CACNA1E: variants seen among roughly 807,000 people sequenced by gnomAD.
CACNA1E encodes the protein voltage-dependent R-type calcium channel subunit alpha-1E.
In CACNA1E, 40 loss-of-function variants were observed where a neutral mutation model predicts 259.2. The observed-to-expected ratio is 0.15, with a 90% confidence interval of 0.12 to 0.20. The LOEUF is 0.20. Ranked by LOEUF, CACNA1E falls within the 10% of genes least tolerant of loss-of-function variation. The pLI is 1.00. For missense variants in CACNA1E, 1,874 were observed against 3,040.1 expected (o/e 0.62, Z 9.02); for synonymous variants, 1,104 against 1,138.5 (o/e 0.97, Z 0.61).
chr1:181,618,576 A>G (rs1655437608), intron 6 of CACNA1E, among the ~76,000 whole-genome samples: 1 of 152,210 alleles, frequency 6.6e-6, no homozygotes, highest in Admixed American at 6.5e-5. Flanking sequence ...AAAAGAAAGA[A>G]AAAAGAAACC....
chr1:181,591,357 T>C (rs531209576), intron 6 of CACNA1E, among the ~76,000 whole-genome samples: 3 of 152,356 alleles, frequency 2.0e-5, no homozygotes, highest in African/African-American at 7.2e-5. Flanking sequence ...TATAAAGTGA[T>C]GTAAGTGATC....
intron 1 of CACNA1E, among the ~76,000 whole-genome samples, chr1:181,332,286 A>G (rs2102600994): frequency 6.6e-6 from 1 of 152,332 alleles, no homozygotes; most frequent in African/African-American, 2.4e-5. Context: ...TACCTAGGTG[A>G]TGGGACAATC....
intron 22 of CACNA1E, 59 bp from the exon 23 acceptor site, chr1:181,737,466 G>A: frequency 6.3e-7 from 1 of 1,598,594 alleles, no homozygotes; most frequent in South Asian, 1.1e-5. Flanking sequence ...TGGGAGTGAG[G>A]AGTAAGGGCA....
At chr1:181,391,937 C>CTGTGTGTG (rs1490839276) in intron 1 of CACNA1E, among the ~76,000 whole-genome samples, 9 of 74,866 alleles carry the variant, frequency 1.2e-4, no homozygotes, top group African/African-American at 3.3e-4. Context: ...CTCTCTCTCT[C>CTGTGTGTG]TCTCTCTCTG....
chr1:181,334,586 G>A (rs1482582878), intron 1 of CACNA1E, among the ~76,000 whole-genome samples: 1 of 152,170 alleles, frequency 6.6e-6, no homozygotes, highest in East Asian at 1.9e-4. Context: ...AAAAATCTCA[G>A]CATCATTCTT....
Position 181,711,157 on chromosome 1 carries a change from G to A in CACNA1E, c.1171+88G>A. The A allele has an allele frequency of 6.6e-6, 6 of 904,378 alleles. No individual in the cohort carries two copies. In the Admixed American group the frequency reaches 7.3e-5, roughly 11 times the overall value. The allele number at this position is 904,378 out of a possible 1,614,324, so 56.0% of individuals were successfully genotyped here. A position where few individuals can be genotyped will look rare whatever the true frequency, so the allele number is the denominator to read the frequency against. On this transcript the variant is annotated intron_variant, in intron 8 of 47. Transcript: ENST00000367573. ...CACTCCCAATGCTCCCATTCAAGGG[G>A]CAGCCTAGACAAGACAAGAGAGACA...
At chr1:181,497,838 C>G (rs1664895679) in intron 1 of CACNA1E, among the ~76,000 whole-genome samples, 2 of 152,148 alleles carry the variant, frequency 1.3e-5, no homozygotes, top group Admixed American at 6.5e-5. Flanking sequence ...AGTGAAGGAT[C>G]AGTAGATGGA....
At chr1:181,364,449 C>T (rs1654115435) in intron 1 of CACNA1E, among the ~76,000 whole-genome samples, 3 of 152,142 alleles carry the variant, frequency 2.0e-5, no homozygotes, top group Admixed American at 1.3e-4. Flanking sequence ...ACGCAGTAAA[C>T]ATTCTGTACA....
chr1:181,605,773 G>C (rs1195015485), intron 6 of CACNA1E, among the ~76,000 whole-genome samples: 5 of 152,188 alleles, frequency 3.3e-5, no homozygotes, highest in African/African-American at 1.2e-4. Context: ...ATGGGGTACA[G>C]GGTGTGTCAT....
chr1:181,785,233 A>C (rs567529189), intron 41 of CACNA1E, 85 bp from the exon 42 acceptor site: 1 of 792,422 alleles, frequency 1.3e-6, no homozygotes, highest in African/African-American at 1.7e-5. Context: ...CCTGTTCCAG[A>C]GAGTGGGTAA....
At chr1:181,697,328 T>C (rs1350264251) in intron 7 of CACNA1E, among the ~76,000 whole-genome samples, 1 of 152,242 alleles carries the variant, frequency 6.6e-6, no homozygotes, top group Non-Finnish European at 1.5e-5. Flanking sequence ...TGTCAGTACT[T>C]AGATGTATGA....
intron 3 of CACNA1E, among the ~76,000 whole-genome samples, chr1:181,512,291 G>A (rs967955370): frequency 6.6e-6 from 1 of 152,200 alleles, no homozygotes; most frequent in Non-Finnish European, 1.5e-5. Flanking sequence ...ATTGGTCTTT[G>A]TGTCAGGTGG....
At chr1:181,390,969 T>C (rs1006517545) in intron 1 of CACNA1E, among the ~76,000 whole-genome samples, 2 of 152,176 alleles carry the variant, frequency 1.3e-5, no homozygotes, top group African/African-American at 4.8e-5. Flanking sequence ...TACCTTTCCA[T>C]CTCTGTAATT....
At position 181,781,490 on chromosome 1, in the gene CACNA1E, C is replaced by T. The variant is rs1448849945; in HGVS notation, c.5331C>T (p.Leu1777=). The T allele has an allele frequency of 1.1e-5, 17 of 1,594,310 alleles. No homozygotes were observed. The highest frequency in any genetic ancestry group is 4.5e-5 in the East Asian group (2 of 44,530). The stretch of plus-strand genomic sequence containing the variant: ...CTCTCATGTCACCTCCGCTAGGCCT[C>T]GGCAAGAGATGTCCCTCCAAAGTGG... ...MLTLMSPPLG[L]GKRCPSKVAY... is the part of the protein sequence containing the mutation. The change falls in exon 39 of 48, where the codon CTC becomes CTT. Residue 1777 remains leucine (L), a synonymous_variant. Transcript: ENST00000367573.
intron 5 of CACNA1E, 99 bp downstream of exon 5, chr1:181,579,323 A>G: frequency 5.3e-6 from 5 of 947,020 alleles, no homozygotes; most frequent in East Asian, 2.5e-5. Context: ...AGTATGTCCT[A>G]TTCTGACCCT....
chr1:181,546,183 G>A lies in CACNA1E; in HGVS notation c.513-31583G>A, dbSNP rs761676886. ...CAAGTTTCACAGCAGTCTCAGGCCA[G>A]TTGGGAAGCCTGGCAGCGTGTGCCA... On this transcript the variant is annotated intron_variant, in intron 3 of 47. Coordinates refer to ENST00000367573, the MANE Select transcript of CACNA1E (RefSeq NM_001205293.3). 3.3e-5 allele frequency among the ~76,000 whole-genome samples: 5 copies of A among 152,172 alleles called. No individual in the cohort carries two copies. In the East Asian group the frequency reaches 7.7e-4, roughly 24 times the overall value.
At chr1:181,424,211 T>G (rs938448437) in intron 2 of CACNA1E, among the ~76,000 whole-genome samples, 1 of 152,236 alleles carries the variant, frequency 6.6e-6, no homozygotes, top group Non-Finnish European at 1.5e-5. Flanking sequence ...TGCCCTGCTT[T>G]CTTGGAATTC....
intron 3 of CACNA1E, among the ~76,000 whole-genome samples, chr1:181,574,303 G>A (rs927778224): frequency 2.0e-5 from 3 of 152,090 alleles, no homozygotes; most frequent in Non-Finnish European, 4.4e-5. Context: ...TTTTAAAAAA[G>A]AATATTAGAA....
intron 3 of CACNA1E, among the ~76,000 whole-genome samples, chr1:181,527,881 T>C (rs994479254): frequency 6.7e-6 from 1 of 150,190 alleles, no homozygotes; most frequent in Non-Finnish European, 1.5e-5. Context: ...TTTATTCTTT[T>C]CCTTTATTTT....
Sources: gnomAD v4.1 joint callset for allele counts (sites outside exome capture counted in the v4.1 genomes callset) on GRCh38, gnomAD v4.1.1 for gene constraint, MANE v1.5 for transcripts, NCBI Gene and HGNC (gene_info 2026-07-23, HGNC 2026-07-21) for gene names.